The following CLDN1 variants were observed in gnomAD, a reference collection of about 807,000 sequenced individuals.
CLDN1 encodes claudin 1.
Under a neutral mutation model 22.6 loss-of-function variants are expected in CLDN1, and 12 were observed. That is an observed-to-expected ratio of 0.53 (90% CI 0.34 to 0.86). The LOEUF (loss-of-function observed/expected upper bound fraction) is 0.86. Ranked by LOEUF, CLDN1 falls within the 40% of genes least tolerant of loss-of-function variation. The pLI, the probability that CLDN1 is intolerant of heterozygous loss-of-function variation, is 0.02. For missense variants in CLDN1, 250 were observed against 269.5 expected (o/e 0.93, Z 0.51); for synonymous variants, 99 against 103.8 (o/e 0.95, Z 0.28).
At chr3:190,310,290 T>C (rs774948865) in intron 2 of CLDN1, 37 bp from the exon 3 acceptor site, 1 of 1,517,296 alleles carries the variant, frequency 6.6e-7, no homozygotes. Flanking sequence ...TTAATCACCA[T>C]GGAACACTGA....
rs750500005 is a variant in CLDN1 at position 190,306,808 on chromosome 3, G to A, written c.*1469C>T. The stretch of plus-strand genomic sequence containing the variant: ...CTGAAAGAATGGAAATAGACTGGTA[G>A]AGAGAGGAAGGCACTGAGCCACATG... On this transcript the variant is annotated 3_prime_UTR_variant, in exon 4 of 4. Coordinates refer to ENST00000295522, the MANE Select transcript of CLDN1 (RefSeq NM_021101.5). 4 of 152,962 alleles carry A rather than the reference G, an allele frequency of 2.6e-5. No homozygotes were observed. Among genetic ancestry groups the A allele is most frequent in the African/African-American group, 4.8e-5 (2 of 41,588 alleles). 9.5% of individuals were successfully genotyped at this position (152,962 alleles called of 1,614,324 possible).
chr3:190,311,542 A>T (rs973988006), intron 2 of CLDN1, among the ~76,000 whole-genome samples: 2 of 152,028 alleles, frequency 1.3e-5, no homozygotes, highest in African/African-American at 4.8e-5. Flanking sequence ...AAAATAAGAA[A>T]ATAAAGTCTA....
At chr3:190,313,585 T>G (rs949891839) in intron 1 of CLDN1, among the ~76,000 whole-genome samples, 4 of 152,170 alleles carry the variant, frequency 2.6e-5, no homozygotes, top group African/African-American at 9.6e-5. Flanking sequence ...TATTTGTATC[T>G]CCAGTGATGT....
At chr3:190,308,983 T>G (rs1259960585) in intron 3 of CLDN1, among the ~76,000 whole-genome samples, 3 of 152,154 alleles carry the variant, frequency 2.0e-5, no homozygotes, top group African/African-American at 4.8e-5. Context: ...GGCAGATGTA[T>G]TAAAGCAGAC....
rs1716810222 is a variant in CLDN1 at position 190,317,780 on chromosome 3, G to A, written c.223+4204C>T. Among the ~76,000 whole-genome samples the A allele has an allele frequency of 2.6e-5, 4 of 152,158 alleles. No individual in the cohort carries two copies. In the East Asian group the frequency reaches 7.7e-4, roughly 29 times the overall value. On this transcript the variant is annotated intron_variant, in intron 1 of 3. Coordinates refer to ENST00000295522, the MANE Select transcript of CLDN1 (RefSeq NM_021101.5). ...GAAAGTCAACCCTCCCTACATGCAGGCTTTGGACTCTCAGATACTGTATTC... is the reference window on the plus strand; with the variant it reads ...GAAAGTCAACCCTCCCTACATGCAGACTTTGGACTCTCAGATACTGTATTC...
At chr3:190,312,159 G>A (rs566425964) in intron 2 of CLDN1, among the ~76,000 whole-genome samples, 1 of 151,796 alleles carries the variant, frequency 6.6e-6, no homozygotes, top group Non-Finnish European at 1.5e-5. Flanking sequence ...TTGAACTCAC[G>A]ACCTCAGGTG....
chr3:190,308,045 T>A lies in CLDN1; in HGVS notation c.*232A>T. On this transcript the variant is annotated 3_prime_UTR_variant, in exon 4 of 4. Coordinates refer to ENST00000295522, the MANE Select transcript of CLDN1 (RefSeq NM_021101.5). The stretch of plus-strand genomic sequence containing the variant: ...AGTATGATTACTCAATGGGAAGCAG[T>A]AATACAAATGGAAAAATCTTCCCTC... The A allele has an allele frequency of 2.1e-6, 1 of 479,686 alleles. No homozygotes were observed. The highest frequency in any genetic ancestry group is 3.8e-6 in the Non-Finnish European group (1 of 264,264). 29.7% of individuals were successfully genotyped at this position (479,686 alleles called of 1,614,324 possible).
chr3:190,310,536 T>C lies in CLDN1; in HGVS notation c.389-283A>G, dbSNP rs556454513. Among the ~76,000 whole-genome samples the C allele has an allele frequency of 4.3e-4, 65 of 152,352 alleles. No individual in the cohort carries two copies. The South Asian group carries it at 0.013, about 31-fold the overall frequency. On this transcript the variant is annotated intron_variant, in intron 2 of 3. Coordinates refer to ENST00000295522, the MANE Select transcript of CLDN1 (RefSeq NM_021101.5). ...GAAACAATTAGGCAGGTGTATGTTG[T>C]ACAAAATCTCTTTTAAATATGCTGT...
At chr3:190,310,851 T>G (rs143377586) in intron 2 of CLDN1, among the ~76,000 whole-genome samples, 8 of 152,304 alleles carry the variant, frequency 5.3e-5, no homozygotes, top group African/African-American at 1.7e-4. Flanking sequence ...CAGATCAATT[T>G]ATGCAACCCA....
intron 1 of CLDN1, among the ~76,000 whole-genome samples, chr3:190,318,938 G>C (rs1045449602): frequency 6.6e-6 from 1 of 152,134 alleles, no homozygotes; most frequent in Non-Finnish European, 1.5e-5. Flanking sequence ...AGTTAAACAG[G>C]CTAGAGGAGC....
Position 190,322,230 on chromosome 3 carries a change from G to C in CLDN1, c.-24C>G. The C allele has an allele frequency of 6.2e-7, 1 of 1,607,062 alleles. No individual in the cohort carries two copies. The highest frequency in any genetic ancestry group is 1.1e-5 in the South Asian group (1 of 90,882). ...ATGACTCGCTCGGGCGCCCGCGCTGGCTCAGGGGTGGCAGGTGCAGAAGGC... is the reference window on the plus strand; with the variant it reads ...ATGACTCGCTCGGGCGCCCGCGCTGCCTCAGGGGTGGCAGGTGCAGAAGGC... On this transcript the variant is annotated 5_prime_UTR_variant, in exon 1 of 4. Coordinates refer to ENST00000295522, the MANE Select transcript of CLDN1 (RefSeq NM_021101.5).
rs376395367 is a variant in CLDN1 at position 190,312,898 on chromosome 3, A to G, written c.362T>C (p.Ile121Thr). The G allele has an allele frequency of 5.6e-5, 90 of 1,614,066 alleles. No individual in the cohort carries two copies. The East Asian group carries it at 1.3e-3, about 24-fold the overall frequency. ...TGCAAGAAGAAATATCGCACCCCCA[A>G]TGACAGCCATCCTCATCTTCTGCAC... ...DEVQKMRMAV[I>T]GGAIFLLAGL... The change falls in exon 2 of 4, where the codon ATT becomes ACT. Residue 121 changes from isoleucine (I) to threonine (T), a missense_variant. Transcript: ENST00000295522.
intron 1 of CLDN1, among the ~76,000 whole-genome samples, chr3:190,314,841 T>C (rs1355386160): frequency 6.6e-6 from 1 of 152,200 alleles, no homozygotes; most frequent in African/African-American, 2.4e-5. Context: ...ACTGACCTCC[T>C]CATAAGCATG....
At chr3:190,314,193 T>C (rs1395292298) in intron 1 of CLDN1, among the ~76,000 whole-genome samples, 1 of 152,188 alleles carries the variant, frequency 6.6e-6, no homozygotes, top group African/African-American at 2.4e-5. Context: ...TGATGGTCTT[T>C]AAAAGTGGCT....
At chr3:190,315,561 A>G (rs573851079) in intron 1 of CLDN1, among the ~76,000 whole-genome samples, 1 of 152,318 alleles carries the variant, frequency 6.6e-6, no homozygotes, top group Admixed American at 6.5e-5. Context: ...CAATCAATAA[A>G]TATTTCTATG....
At chr3:190,317,580 T>TA (rs1198375486) in intron 1 of CLDN1, among the ~76,000 whole-genome samples, 12 of 152,352 alleles carry the variant, frequency 7.9e-5, no homozygotes, top group African/African-American at 2.9e-4. Flanking sequence ...CTACTATCAA[T>TA]ACCAGACATT....
rs1442473919 is a variant in CLDN1 at position 190,310,172 on chromosome 3, G to C, written c.470C>G (p.Ala157Gly). ...TTTTACGCCTGAATAGCGTTACCTG[G>C]CATTGACTGGGGTCATAGGGTCATA... is the stretch of plus-strand genomic sequence containing the variant. ...EFYDPMTPVN[A>G]RYEFGQALFT... The change falls in exon 3 of 4, where the codon GCC (alanine) becomes GGC (glycine). Residue 157 changes from alanine (A) to glycine (G), a missense_variant. Ala to Gly is a moderately conservative substitution (Grantham distance 60). Transcript: ENST00000295522. The C allele has an allele frequency of 2.5e-6, 4 of 1,612,530 alleles. No individual in the cohort carries two copies. Among genetic ancestry groups the C allele is most frequent in the South Asian group, 1.1e-5 (1 of 91,052 alleles).
intron 2 of CLDN1, among the ~76,000 whole-genome samples, chr3:190,311,756 A>G (rs947071732): frequency 6.6e-6 from 1 of 151,564 alleles, no homozygotes; most frequent in African/African-American, 2.4e-5. Context: ...AAAGATATAT[A>G]TATACACACA....
At chr3:190,309,679 G>T (rs1716559326) in intron 3 of CLDN1, among the ~76,000 whole-genome samples, 1 of 152,094 alleles carries the variant, frequency 6.6e-6, no homozygotes, top group African/African-American at 2.4e-5. Context: ...TTTCAAGGTG[G>T]TATCTGAACA....
Sources: gnomAD v4.1 joint callset for allele counts (sites outside exome capture counted in the v4.1 genomes callset) on GRCh38, gnomAD v4.1.1 for gene constraint, MANE v1.5 for transcripts, NCBI Gene and HGNC (gene_info 2026-07-23, HGNC 2026-07-21) for gene names.